Variants in PALS1 observed in about 807,000 individuals in gnomAD.
The protein encoded by PALS1 is protein associated with LIN7 1, MAGUK p55 family member.
PALS1 carries 31 observed loss-of-function variants against 78.9 expected under a neutral mutation model. The observed-to-expected ratio is 0.39, with a 90% CI of 0.30 to 0.53. PALS1 has a LOEUF of 0.53. Ranked by LOEUF, PALS1 falls within the 20% of genes least tolerant of loss-of-function variation. PALS1 has a pLI of 0.67. For missense variants in PALS1, 704 were observed against 826.5 expected (o/e 0.85, Z 1.82); for synonymous variants, 276 against 270.9 (o/e 1.02, Z -0.18).
At chr14:67,258,315 G>T (rs777217696) in intron 1 of PALS1, among the ~76,000 whole-genome samples, 2 of 152,044 alleles carry the variant, frequency 1.3e-5, no homozygotes, top group Non-Finnish European at 2.9e-5. Context: ...CAGGTGGATC[G>T]CATGAGCTCA....
At chr14:67,260,277 C>G (rs943919423) in intron 1 of PALS1, among the ~76,000 whole-genome samples, 1 of 152,168 alleles carries the variant, frequency 6.6e-6, no homozygotes. Flanking sequence ...ATCTTGGAAG[C>G]TAAGCAGGGT....
chr14:67,303,898 G>A (rs1234400444), intron 8 of PALS1, among the ~76,000 whole-genome samples: 3 of 152,008 alleles, frequency 2.0e-5, no homozygotes, highest in Non-Finnish European at 4.4e-5. Context: ...CTCTTGAGTA[G>A]CTGGGATTCC....
At chr14:67,324,553 CTTTT>C (rs1426795010) in intron 14 of PALS1, among the ~76,000 whole-genome samples, 2 of 151,836 alleles carry the variant, frequency 1.3e-5, no homozygotes, top group South Asian at 2.1e-4. Flanking sequence ...ACACTCCTTT[CTTTT>C]GATTGTTTTT....
chr14:67,280,318 G>GT (rs1240156421), intron 3 of PALS1, among the ~76,000 whole-genome samples: 1 of 152,202 alleles, frequency 6.6e-6, no homozygotes, highest in Non-Finnish European at 1.5e-5. Context: ...CTGAACTAGT[G>GT]TTAGGAGAGC....
chr14:67,317,790 A>G (rs1219546888), intron 11 of PALS1, among the ~76,000 whole-genome samples: 3 of 152,240 alleles, frequency 2.0e-5, no homozygotes, highest in African/African-American at 7.2e-5. Flanking sequence ...TATGTCCTCT[A>G]CAATAGCTCA....
intron 3 of PALS1, among the ~76,000 whole-genome samples, chr14:67,285,413 C>T (rs1231539959): frequency 1.4e-5 from 2 of 147,164 alleles, no homozygotes; most frequent in Admixed American, 6.9e-5. Flanking sequence ...GTCGCCCAGG[C>T]TGGAGTGCAG....
At chr14:67,277,756 C>A (rs879876947) in intron 2 of PALS1, among the ~76,000 whole-genome samples, 1 of 152,044 alleles carries the variant, frequency 6.6e-6, no homozygotes, top group African/African-American at 2.4e-5. Context: ...AAAATAGAAT[C>A]AAGTTAATAC....
At chr14:67,307,263 T>A (rs1187558267) in intron 8 of PALS1, among the ~76,000 whole-genome samples, 1 of 152,094 alleles carries the variant, frequency 6.6e-6, no homozygotes, top group Non-Finnish European at 1.5e-5. Flanking sequence ...AAGGAAGGAT[T>A]GGATTTCCCA....
chr14:67,326,339 T>G (rs1257614897), intron 14 of PALS1, among the ~76,000 whole-genome samples: 3 of 138,122 alleles, frequency 2.2e-5, no homozygotes, highest in Non-Finnish European at 4.6e-5. Flanking sequence ...CAAGTGACCC[T>G]CCCGTCTCAG....
intron 14 of PALS1, among the ~76,000 whole-genome samples, chr14:67,325,825 T>C (rs1242223010): frequency 6.6e-6 from 1 of 151,812 alleles, no homozygotes; most frequent in Middle Eastern, 3.2e-3. Context: ...TTTTTTTTTT[T>C]TGAGACAGAG....
At chr14:67,284,939 C>T (rs1428180536) in intron 3 of PALS1, among the ~76,000 whole-genome samples, 5 of 151,980 alleles carry the variant, frequency 3.3e-5, no homozygotes, top group Admixed American at 6.6e-5. Flanking sequence ...TTTGTAGAGA[C>T]GGGATCTCAC....
At chr14:67,317,969 A>G (rs2085203813) in intron 11 of PALS1, among the ~76,000 whole-genome samples, 1 of 152,218 alleles carries the variant, frequency 6.6e-6, no homozygotes, top group Non-Finnish European at 1.5e-5. Context: ...TTCCTAGGTG[A>G]CAACAGTCTG....
chr14:67,336,020 TA>T lies in PALS1; in HGVS notation c.*3068del, dbSNP rs1566592736. On this transcript the variant is annotated 3_prime_UTR_variant, in exon 15 of 15. Coordinates refer to ENST00000261681, the MANE Select transcript of PALS1 (RefSeq NM_022474.4). ...AGGTAGGTCCTGTTTCCTTAATTAT[TA>T]AAACCAACAACTAAGTGTATTAAAG... Among the ~76,000 whole-genome samples, 1 of 152,236 alleles carries T rather than the reference TA, an allele frequency of 6.6e-6. No individual in the cohort carries two copies. Among genetic ancestry groups the T allele is most frequent in the Admixed American group, 6.5e-5 (1 of 15,286 alleles).
intron 3 of PALS1, among the ~76,000 whole-genome samples, chr14:67,284,441 A>AC (rs2084647825): frequency 6.8e-6 from 1 of 147,972 alleles, no homozygotes. Context: ...AAAAAAAAAA[A>AC]AAACAGCTGG....
intron 12 of PALS1, among the ~76,000 whole-genome samples, chr14:67,320,681 T>G (rs982712725): frequency 2.0e-5 from 3 of 151,754 alleles, no homozygotes; most frequent in Non-Finnish European, 4.4e-5. Flanking sequence ...TGCTTTAAAG[T>G]GATACAGAAG....
In PALS1 at chr14:67,312,529, C is replaced by T; in HGVS notation, c.1044C>T (p.Ile348=). The change falls in exon 9 of 15, where the codon ATC becomes ATT. Residue 348 remains isoleucine (I), a splice_region_variant and synonymous_variant. Coordinates refer to ENST00000261681, the MANE Select transcript of PALS1 (RefSeq NM_022474.4). ...IKPPPAKETV[I]HVKAHFDYDP... is the part of the protein sequence containing the mutation. ...TTTTTGCCCTTTTTATCTTTTAGAT[C>T]CATGTAAAAGCTCATTTTGACTATG... 2 of 1,560,318 alleles carry T rather than the reference C, an allele frequency of 1.3e-6. No individual in the cohort carries two copies. Among genetic ancestry groups the T allele is most frequent in the Non-Finnish European group, 1.7e-6 (2 of 1,151,610 alleles).
At chr14:67,278,427 C>T (rs916019690) in intron 2 of PALS1, among the ~76,000 whole-genome samples, 4 of 151,864 alleles carry the variant, frequency 2.6e-5, no homozygotes, top group Admixed American at 2.0e-4. Flanking sequence ...CTGTAGCTGC[C>T]TCAGCTGCTA....
intron 8 of PALS1, among the ~76,000 whole-genome samples, 187 bp downstream of exon 8, chr14:67,303,786 A>G (rs555068926): frequency 6.6e-6 from 1 of 150,848 alleles, no homozygotes; most frequent in African/African-American, 2.4e-5. Flanking sequence ...TGGAAGGTGG[A>G]AGATGGAATC....
At chr14:67,317,085 A>G (rs985080726) in intron 10 of PALS1, among the ~76,000 whole-genome samples, 182 bp downstream of exon 10, 3 of 152,252 alleles carry the variant, frequency 2.0e-5, no homozygotes, top group Admixed American at 2.0e-4. Flanking sequence ...TTATCTGTCT[A>G]TACTGTGTAG....
Sources: allele counts gnomAD v4.1 joint callset (sites outside exome capture counted in the v4.1 genomes callset), GRCh38; gene constraint gnomAD v4.1.1; transcripts MANE v1.5; gene names NCBI Gene and HGNC (gene_info 2026-07-23, HGNC 2026-07-21).